The following ANTXRL variants were observed in gnomAD, a reference collection of about 807,000 sequenced individuals.
ANTXRL encodes the protein ANTXR like.
A neutral mutation model predicts 75.4 loss-of-function variants in ANTXRL; 63 were observed. The observed-to-expected ratio is 0.84, with a 90% confidence interval of 0.68 to 1.03. The LOEUF is 1.03. Ranked by LOEUF, ANTXRL falls within the 50% of genes least tolerant of loss-of-function variation. The pLI, the probability that ANTXRL is intolerant of heterozygous loss-of-function variation, is 0.00. For synonymous variants in ANTXRL, 335 were observed against 291.3 expected (o/e 1.15, Z -1.53); for missense variants, 797 against 789.4 (o/e 1.01, Z -0.12).
At chr10:46,313,764 G>C (rs1565044816) in intron 16 of ANTXRL, among the ~76,000 whole-genome samples, 1 of 152,150 alleles carries the variant, frequency 6.6e-6, no homozygotes, top group Non-Finnish European at 1.5e-5. Flanking sequence ...TGCTTTCACT[G>C]TTTTTATCCT....
At chr10:46,302,378 G>A (rs1837805022) in intron 9 of ANTXRL, among the ~76,000 whole-genome samples, 1 of 152,184 alleles carries the variant, frequency 6.6e-6, no homozygotes, top group African/African-American at 2.4e-5. Flanking sequence ...TGCACGGCCT[G>A]CACACCTGGG....
At chr10:46,298,392 G>C (rs1222448650) in intron 9 of ANTXRL, among the ~76,000 whole-genome samples, 2 of 151,824 alleles carry the variant, frequency 1.3e-5, no homozygotes, top group African/African-American at 4.8e-5. Context: ...TGTGAGTGTG[G>C]TGTGTGTGGG....
At position 46,311,670 on chromosome 10, in the gene ANTXRL, GA is replaced by G. The variant is rs1838435337; in HGVS notation, c.1329+7del. 8.3e-6 allele frequency: 8 copies of G among 965,522 alleles called. No individual in the cohort carries two copies. The highest frequency in any genetic ancestry group is 1.3e-5 in the Non-Finnish European group (8 of 625,934). The allele number at this position is 965,522 out of a possible 1,614,324, so 59.8% of individuals were successfully genotyped here. A position where few individuals can be genotyped will look rare whatever the true frequency, so the allele number is the denominator to read the frequency against. ...GGCGGGATGAGAAGGATAGAGGTGA[GA>G]AGGGCACAGTGGAGAGGGGCTGTGA... On this transcript the variant is annotated splice_donor_region_variant and intron_variant, in intron 15 of 16. Coordinates refer to ENST00000620264, the MANE Select transcript of ANTXRL (RefSeq NM_001278688.3).
At chr10:46,309,716 T>A (rs1164920687) in intron 13 of ANTXRL, among the ~76,000 whole-genome samples, 2 of 152,056 alleles carry the variant, frequency 1.3e-5, no homozygotes, top group Non-Finnish European at 2.9e-5. Flanking sequence ...CTGTCTTTAC[T>A]GAGCTCCAGC....
Position 46,311,515 on chromosome 10 carries a change from A to T in ANTXRL, c.1179A>T (p.Pro393=). The T allele has an allele frequency of 6.5e-7, 1 of 1,531,886 alleles. No individual in the cohort carries two copies. Among genetic ancestry groups the T allele is most frequent in the Middle Eastern group, 1.7e-4 (1 of 5,960 alleles). 94.9% of individuals were successfully genotyped at this position (1,531,886 alleles called of 1,614,324 possible). A position where few individuals can be genotyped will look rare whatever the true frequency, so the allele number is the denominator to read the frequency against. Residue 393 remains proline (P), a synonymous_variant, in exon 15 of 17, where the codon CCA becomes CCT. Coordinates refer to ENST00000620264, the MANE Select transcript of ANTXRL (RefSeq NM_001278688.3). ...PPPVQKPEKE[P]EQEKPPSPPP... ...AGTTGTTTTTCTTTTTTTAGGAGCC[A>T]GAGCAGGAAAAACCACCATCACCAC...
chr10:46,297,594 A>AC, intron 7 of ANTXRL, 120 bp downstream of exon 7: 1 of 1,025,640 alleles, frequency 9.8e-7, no homozygotes, highest in Non-Finnish European at 1.4e-6. Context: ...GGGCCAACTC[A>AC]TGGCCACTGC....
chr10:46,304,656 A>AT (rs1379125356), intron 10 of ANTXRL, among the ~76,000 whole-genome samples: 3 of 152,170 alleles, frequency 2.0e-5, no homozygotes, highest in South Asian at 2.1e-4. Flanking sequence ...ATTTTATTTT[A>AT]TTTTTTAACA....
intron 1 of ANTXRL, 80 bp downstream of exon 1, chr10:46,287,590 CAAG>C: frequency 6.9e-7 from 1 of 1,449,214 alleles, no homozygotes; most frequent in Non-Finnish European, 9.1e-7. Flanking sequence ...GGACACCACT[CAAG>C]GAGATGCAAG....
rs556415516 is a variant in ANTXRL at position 46,290,287 on chromosome 10, C to T, written c.249-1771C>T. Among the ~76,000 whole-genome samples the T allele has an allele frequency of 1.4e-4, 21 of 152,244 alleles. No individual in the cohort carries two copies. In the South Asian group the frequency reaches 1.7e-3, roughly 12 times the overall value. ...TTGAACTCCTGACCTCGTGATTCCCCGGCCTTGGCCTTCCAAAGCGCTGGG... is the reference window on the plus strand; with the variant it reads ...TTGAACTCCTGACCTCGTGATTCCCTGGCCTTGGCCTTCCAAAGCGCTGGG... On this transcript the variant is annotated intron_variant, in intron 1 of 16. Transcript: ENST00000620264.
At chr10:46,287,634 G>A in intron 1 of ANTXRL, 124 bp downstream of exon 1, 1 of 1,336,146 alleles carries the variant, frequency 7.5e-7, no homozygotes, top group Non-Finnish European at 9.9e-7. Context: ...CCAAACTTTG[G>A]TCAGACCAGA....
intron 16 of ANTXRL, among the ~76,000 whole-genome samples, chr10:46,320,501 G>T (rs1838930521): frequency 6.6e-6 from 1 of 152,152 alleles, no homozygotes; most frequent in African/African-American, 2.4e-5. Flanking sequence ...GGAGGCCTAG[G>T]TGGGCATATT....
chr10:46,309,281 C>G, intron 13 of ANTXRL, 79 bp downstream of exon 13: 3 of 1,527,180 alleles, frequency 2.0e-6, no homozygotes, highest in South Asian at 1.2e-5. Context: ...GTGACTGCCC[C>G]CCGTGATCCC....
chr10:46,290,049 T>C (rs1188236997), intron 1 of ANTXRL, among the ~76,000 whole-genome samples: 1 of 147,858 alleles, frequency 6.8e-6, no homozygotes, highest in Non-Finnish European at 1.5e-5. Flanking sequence ...CTTTATCTTT[T>C]TTTTTTTTTT....
At position 46,298,052 on chromosome 10, in the gene ANTXRL, G is replaced by C; in HGVS notation, c.786G>C (p.Glu262Asp). ...TGACATCGGTGGAGCCTTCCTCTGA[G>C]TGTGTAGGAGGTGAGAGCTGCGGAG... ...LDVTSVEPSS[E>D]CVGEPYHVVI... The change falls in exon 9 of 17, where the codon GAG (glutamate) becomes GAC (aspartate). Residue 262 changes from glutamate (E) to aspartate (D), a missense_variant. This residue lies in a region of ANTXRL where 56 missense variants were observed against 95.5 expected (regional missense o/e 0.59). Coordinates refer to ENST00000620264, the MANE Select transcript of ANTXRL (RefSeq NM_001278688.3). 1 of 1,535,776 alleles carries C rather than the reference G, an allele frequency of 6.5e-7. No individual in the cohort carries two copies. Among genetic ancestry groups the C allele is most frequent in the Non-Finnish European group, 8.7e-7 (1 of 1,146,694 alleles).
chr10:46,319,876 A>G (rs1449631232), intron 16 of ANTXRL, among the ~76,000 whole-genome samples: 1 of 152,160 alleles, frequency 6.6e-6, no homozygotes, highest in African/African-American at 2.4e-5. Context: ...GCCACCTTTT[A>G]AATTAAACTT....
intron 12 of ANTXRL, among the ~76,000 whole-genome samples, chr10:46,307,791 G>A (rs1212198858): frequency 2.6e-5 from 4 of 152,134 alleles, no homozygotes; most frequent in African/African-American, 9.7e-5. Flanking sequence ...ATCTGGTCCT[G>A]AACCTGCTGA....
chr10:46,304,790 C>A (rs1422018084), intron 10 of ANTXRL, among the ~76,000 whole-genome samples: 3 of 152,058 alleles, frequency 2.0e-5, no homozygotes, highest in African/African-American at 7.2e-5. Context: ...CAGACCCAGG[C>A]GATCTGCCTT....
At chr10:46,310,298 A>G (rs1192498194) in intron 13 of ANTXRL, among the ~76,000 whole-genome samples, 163 bp from the exon 14 acceptor site, 8 of 151,998 alleles carry the variant, frequency 5.3e-5, no homozygotes, top group African/African-American at 1.9e-4. Flanking sequence ...CAGGAGGAGG[A>G]GCCTGCCGGG....
chr10:46,312,117 AC>A (rs1838464980), intron 15 of ANTXRL, among the ~76,000 whole-genome samples: 1 of 148,986 alleles, frequency 6.7e-6, no homozygotes, highest in African/African-American at 2.5e-5. Flanking sequence ...TGTTCTCACC[AC>A]CACGAACACT....
Sources: allele counts gnomAD v4.1 joint callset (sites outside exome capture counted in the v4.1 genomes callset), GRCh38; gene constraint gnomAD v4.1.1; regional missense constraint gnomAD v4.1.1; transcripts MANE v1.5; gene names NCBI Gene and HGNC (gene_info 2026-07-23, HGNC 2026-07-21).